MAGI3: variants seen among roughly 807,000 people sequenced by gnomAD.
The protein encoded by MAGI3 is membrane associated guanylate kinase, WW and PDZ domain containing 3.
A neutral mutation model predicts 121.8 loss-of-function variants in MAGI3; 43 were observed. That is an observed-to-expected ratio of 0.35 (90% CI 0.28 to 0.46). The LOEUF (loss-of-function observed/expected upper bound fraction) is 0.46. Among genes scored for constraint, MAGI3 ranks in the 20% least tolerant of loss-of-function variants. The pLI is 1.00. For synonymous variants in MAGI3, 553 were observed against 639.3 expected, an observed-to-expected ratio of 0.86 and a Z score of 2.04; for missense variants, 1,547 against 1,797.3, an observed-to-expected ratio of 0.86 and a Z score of 2.52.
At chr1:113,594,433 T>C (rs200359320) in intron 5 of MAGI3, 48 bp from the exon 6 acceptor site, 2 of 1,431,308 alleles carry the variant, frequency 1.4e-6, no homozygotes, top group African/African-American at 1.4e-5. Flanking sequence ...TGAAATAATT[T>C]TCTCCTCCTT....
chr1:113,483,365 G>T (rs116490003), intron 1 of MAGI3, among the ~76,000 whole-genome samples: 2 of 152,092 alleles, frequency 1.3e-5, no homozygotes, highest in Non-Finnish European at 2.9e-5. Context: ...GCTTTGGGAG[G>T]TAATCAGGTA....
At chr1:113,425,341 G>A (rs1652952205) in intron 1 of MAGI3, among the ~76,000 whole-genome samples, 1 of 130,870 alleles carries the variant, frequency 7.6e-6, no homozygotes, top group South Asian at 2.5e-4. Context: ...AGAGTGCAGT[G>A]GCGCGATCTC....
chr1:113,519,050 T>C lies in MAGI3; in HGVS notation c.317-30465T>C, dbSNP rs186769275. Reference sequence around the variant, plus strand: ...GGGAAATAAAAGGGGGTACTGATGCTTTCTGACATCACCCTAATTCTCTCT... The same window carrying C: ...GGGAAATAAAAGGGGGTACTGATGCCTTCTGACATCACCCTAATTCTCTCT... On this transcript the variant is annotated intron_variant, in intron 1 of 20. Transcript: ENST00000307546. 1.6e-3 allele frequency among the ~76,000 whole-genome samples: 240 copies of C among 152,258 alleles called. 6 individuals are homozygous for C. Among genetic ancestry groups the C allele is most frequent in the Non-Finnish European group, 3.1e-4 (21 of 68,018 alleles).
At position 113,646,441 on chromosome 1, in the gene MAGI3, A is replaced by G. The variant is rs746772037; in HGVS notation, c.1999-45A>G. On this transcript the variant is annotated intron_variant, in intron 11 of 20. Transcript: ENST00000307546. ...TATCAGTTTTATGAATTAATCAACC[A>G]TCTGCTTTTTAAAAAATACTAAGTA... The G allele has an allele frequency of 2.5e-5, 38 of 1,493,602 alleles. 1 individual carries two copies. The East Asian group carries it at 7.0e-4, about 28-fold the overall frequency. 92.5% of individuals were successfully genotyped at this position (1,493,602 alleles called of 1,614,324 possible). A position where few individuals can be genotyped will look rare whatever the true frequency, so the allele number is the denominator to read the frequency against.
chr1:113,634,426 G>A (rs1286736510), intron 9 of MAGI3, among the ~76,000 whole-genome samples: 3 of 152,186 alleles, frequency 2.0e-5, no homozygotes, highest in Non-Finnish European at 4.4e-5. Context: ...GTGTAAGGAA[G>A]GGATCCAGTT....
intron 9 of MAGI3, among the ~76,000 whole-genome samples, chr1:113,633,085 G>A (rs1651744250): frequency 8.3e-6 from 1 of 120,342 alleles, no homozygotes; most frequent in Non-Finnish European, 1.6e-5. Flanking sequence ...CCCAGAGTGT[G>A]ATGTTCCCCT....
At chr1:113,482,576 A>G (rs527641016) in intron 1 of MAGI3, among the ~76,000 whole-genome samples, 3 of 150,842 alleles carry the variant, frequency 2.0e-5, no homozygotes, top group South Asian at 2.1e-4. Context: ...AGCTCAAGCA[A>G]TCCTCTTGCC....
chr1:113,591,395 A>G (rs1202233134), intron 5 of MAGI3, among the ~76,000 whole-genome samples: 1 of 152,142 alleles, frequency 6.6e-6, no homozygotes, highest in Non-Finnish European at 1.5e-5. Context: ...ACAGAATATA[A>G]CAATTAAATA....
Position 113,684,248 on chromosome 1 carries a change from T to C in MAGI3, c.*234T>C. The C allele has an allele frequency of 2.6e-6, 1 of 387,530 alleles. No individual in the cohort carries two copies. The highest frequency in any genetic ancestry group is 4.6e-5 in the South Asian group (1 of 21,830). The allele number at this position is 387,530 out of a possible 1,614,324, so 24.0% of individuals were successfully genotyped here. ...AAGGAGCTGCATCCACATGCTCATC[T>C]GACCCGCCCTGCTCAGGCTGCCCAG... On this transcript the variant is annotated 3_prime_UTR_variant, in exon 21 of 21. Coordinates refer to ENST00000307546, the MANE Select transcript of MAGI3 (RefSeq NM_001142782.2).
chr1:113,594,935 A>G (rs1362800416), intron 6 of MAGI3, among the ~76,000 whole-genome samples: 6 of 152,214 alleles, frequency 3.9e-5, no homozygotes, highest in Admixed American at 3.9e-4. Context: ...AAGTATATTT[A>G]ATTTAGTATA....
intron 16 of MAGI3, among the ~76,000 whole-genome samples, chr1:113,665,805 G>A (rs1654016700): frequency 6.6e-6 from 1 of 151,942 alleles, no homozygotes; most frequent in Admixed American, 6.6e-5. Context: ...GTTTAACTGT[G>A]GATTTTGTTT....
chr1:113,460,954 C>G (rs1655003304), intron 1 of MAGI3, among the ~76,000 whole-genome samples: 1 of 152,046 alleles, frequency 6.6e-6, no homozygotes, highest in African/African-American at 2.4e-5. Flanking sequence ...AAACTGAGAG[C>G]CAAATCAGAA....
At chr1:113,461,327 C>G (rs1265385894) in intron 1 of MAGI3, among the ~76,000 whole-genome samples, 4 of 152,150 alleles carry the variant, frequency 2.6e-5, no homozygotes, top group Non-Finnish European at 5.9e-5. Context: ...TACCCAACTT[C>G]CAACTATACT....
At position 113,634,224 on chromosome 1, in the gene MAGI3, G is replaced by A. The variant is rs543763940; in HGVS notation, c.1361-7687G>A. Among the ~76,000 whole-genome samples the A allele has an allele frequency of 9.2e-5, 14 of 152,166 alleles. No individual in the cohort carries two copies. The East Asian group carries it at 1.2e-3, about 13-fold the overall frequency. On this transcript the variant is annotated intron_variant, in intron 9 of 20. Coordinates refer to ENST00000307546, the MANE Select transcript of MAGI3 (RefSeq NM_001142782.2). ...TGATGGTAGTTTCTTTTGCTGTGCA[G>A]AAGCTCTTTAGTTTAATTAGATCCC... is the stretch of plus-strand genomic sequence containing the variant.
At position 113,554,845 on chromosome 1, in the gene MAGI3, G is replaced by T. The variant is rs553431183; in HGVS notation, c.433+5214G>T. On this transcript the variant is annotated intron_variant, in intron 2 of 20. Coordinates refer to ENST00000307546, the MANE Select transcript of MAGI3 (RefSeq NM_001142782.2). ...AAACCATTGATAAAAAGAAAATGAT[G>T]CTGGGCATGCTGGCATGTGCCTGTA... 2.0e-5 allele frequency among the ~76,000 whole-genome samples: 3 copies of T among 152,234 alleles called. No homozygotes were observed. The East Asian group carries it at 5.8e-4, about 29-fold the overall frequency.
chr1:113,416,329 T>TGCA (rs1553182696), intron 1 of MAGI3, among the ~76,000 whole-genome samples: 1 of 116,048 alleles, frequency 8.6e-6, no homozygotes, highest in African/African-American at 3.3e-5. Context: ...TAATTAATTA[T>TGCA]ATATCAATCA....
chr1:113,615,422 G>T (rs1162939171), intron 7 of MAGI3, among the ~76,000 whole-genome samples: 1 of 152,172 alleles, frequency 6.6e-6, no homozygotes. Flanking sequence ...AGTTAAACCT[G>T]CTGCCTAGGT....
chr1:113,583,386 A>T (rs1282086574), intron 3 of MAGI3, among the ~76,000 whole-genome samples: 1 of 152,076 alleles, frequency 6.6e-6, no homozygotes, highest in African/African-American at 2.4e-5. Context: ...CAAAATTATT[A>T]TGAAGTCCTA....
chr1:113,480,769 A>C (rs1014200361), intron 1 of MAGI3, among the ~76,000 whole-genome samples: 4 of 151,784 alleles, frequency 2.6e-5, no homozygotes, highest in African/African-American at 9.7e-5. Flanking sequence ...TTTTTTGTGC[A>C]TGGATTGTTG....
Sources: gnomAD v4.1 joint callset for allele counts (sites outside exome capture counted in the v4.1 genomes callset) on GRCh38, gnomAD v4.1.1 for gene constraint, MANE v1.5 for transcripts, NCBI Gene and HGNC (gene_info 2026-07-23, HGNC 2026-07-21) for gene names.